The following MMD2 variants were observed in gnomAD, a reference collection of about 807,000 sequenced individuals.
MMD2 encodes monocyte to macrophage differentiation associated 2, also known as monocyte to macrophage differentiation factor 2.
MMD2 carries 30 observed loss-of-function variants against 33.5 expected under a neutral mutation model. That is an observed-to-expected ratio of 0.90 (90% CI 0.67 to 1.22). The LOEUF (loss-of-function observed/expected upper bound fraction) is 1.22. MMD2 is among the 50% of genes most tolerant of loss of function. MMD2 has a pLI of 0.00. For synonymous variants in MMD2, 129 were observed against 123.0 expected, an observed-to-expected ratio of 1.05 and a Z score of -0.32; for missense variants, 364 against 325.4, an observed-to-expected ratio of 1.12 and a Z score of -0.91.
Position 4,908,021 on chromosome 7 carries a change from G to T in MMD2, c.538-422C>A, listed in dbSNP as rs2115083646. 1.3e-5 allele frequency among the ~76,000 whole-genome samples: 2 copies of T among 152,070 alleles called. 1 individual carries two copies. Among genetic ancestry groups the T allele is most frequent in the South Asian group, 4.2e-4 (2 of 4,810 alleles). On this transcript the variant is annotated intron_variant, in intron 6 of 6. Transcript: ENST00000401401. Reference sequence around the variant, plus strand: ...GGGGGCATCTCACTATATTGCCCAGGCTGGTCTCAAACTCCTGGTCTCCAG... The same window carrying T: ...GGGGGCATCTCACTATATTGCCCAGTCTGGTCTCAAACTCCTGGTCTCCAG...
chr7:4,942,715 C>T (rs936108083), intron 1 of MMD2, among the ~76,000 whole-genome samples: 1 of 151,542 alleles, frequency 6.6e-6, no homozygotes, highest in Non-Finnish European at 1.5e-5. Context: ...CGGGTTCAAG[C>T]GATTCTCCTG....
the MMD2 span, among the ~76,000 whole-genome samples, chr7:4,900,416 G>A: frequency 1.7e-4 from 26 of 152,218 alleles, no homozygotes; most frequent in East Asian, 4.6e-3. Context: ...TGTGCATGGG[G>A]TGCAGGTCAT....
At chr7:4,904,861 T>C (rs1334989368), downstream of MMD2, among the ~76,000 whole-genome samples, 1 of 152,062 alleles carries the variant, frequency 6.6e-6, no homozygotes. Context: ...AGTAGCTGCA[T>C]GATGAAGGAT....
At chr7:4,932,321 C>G (rs1231634867) in intron 1 of MMD2, among the ~76,000 whole-genome samples, 1 of 152,160 alleles carries the variant, frequency 6.6e-6, no homozygotes, top group East Asian at 1.9e-4. Context: ...CGAGCACTTT[C>G]CCTTTAACTC....
At chr7:4,945,570 C>T (rs1786052513) in intron 1 of MMD2, among the ~76,000 whole-genome samples, 1 of 146,114 alleles carries the variant, frequency 6.8e-6, no homozygotes, top group African/African-American at 2.5e-5. Context: ...CCAGCCCTTC[C>T]CTCCCCTTTC....
chr7:4,952,563 C>T (rs754930260), intron 1 of MMD2, among the ~76,000 whole-genome samples: 20 of 152,164 alleles, frequency 1.3e-4, no homozygotes, highest in Admixed American at 2.6e-4. Flanking sequence ...TACCACTCTG[C>T]ACGCATTTCC....
chr7:4,956,425 TAA>T (rs60993344), intron 1 of MMD2, among the ~76,000 whole-genome samples: 4 of 144,240 alleles, frequency 2.8e-5, no homozygotes, highest in African/African-American at 1.0e-4. Flanking sequence ...ATCCTATCTT[TAA>T]AAAAAAAAAA....
intron 3 of MMD2, among the ~76,000 whole-genome samples, chr7:4,917,038 C>G (rs918884345): frequency 3.3e-5 from 5 of 152,072 alleles, no homozygotes; most frequent in Non-Finnish European, 7.4e-5. Context: ...TGCCACTGCA[C>G]TCCAGTCTGG....
At chr7:4,918,483 C>CTTTTTT (rs60393757) in intron 3 of MMD2, among the ~76,000 whole-genome samples, 1 of 131,030 alleles carries the variant, frequency 7.6e-6, no homozygotes. Context: ...TTCTTTCTTT[C>CTTTTTT]TTTTTTTTTT....
intron 1 of MMD2, among the ~76,000 whole-genome samples, chr7:4,949,783 T>C (rs1375737404): frequency 6.6e-6 from 1 of 152,190 alleles, no homozygotes. Flanking sequence ...ATTACAGGCA[T>C]GAGCCACTGT....
chr7:4,944,543 G>T (rs1426782111), intron 1 of MMD2, among the ~76,000 whole-genome samples: 1 of 152,106 alleles, frequency 6.6e-6, no homozygotes, highest in African/African-American at 2.4e-5. Context: ...CCTGCGAAAG[G>T]ACTGGTGGAA....
At chr7:4,929,010 T>C (rs1408736123) in intron 1 of MMD2, among the ~76,000 whole-genome samples, 1 of 152,172 alleles carries the variant, frequency 6.6e-6, no homozygotes, top group Admixed American at 6.6e-5. Flanking sequence ...ATGGAGCATA[T>C]TGTGTATGCT....
At chr7:4,939,865 G>A (rs1291710764) in intron 1 of MMD2, among the ~76,000 whole-genome samples, 2 of 151,616 alleles carry the variant, frequency 1.3e-5, no homozygotes, top group Admixed American at 1.3e-4. Context: ...TCAGCCTCCT[G>A]AGTAGGTGGG....
At chr7:4,896,032 T>G in the MMD2 span, among the ~76,000 whole-genome samples, 1 of 137,864 alleles carries the variant, frequency 7.3e-6, no homozygotes. Context: ...CTGCATGGTA[T>G]GATGTGTCCC....
Position 4,925,341 on chromosome 7 carries a change from G to A in MMD2, c.129+110C>T, listed in dbSNP as rs1224589682. ...GTGGCCTTCCCTGAGGGCCACAGAA[G>A]ACCCGAGGAACAGGCCACTTAGGAC... On this transcript the variant is annotated intron_variant, in intron 2 of 6. Coordinates refer to ENST00000401401, the MANE Select transcript of MMD2 (RefSeq NM_198403.4). 1.4e-5 allele frequency: 11 copies of A among 792,698 alleles called. No individual in the cohort carries two copies. The African/African-American group carries it at 1.8e-4, about 13-fold the overall frequency. The allele number at this position is 792,698 out of a possible 1,614,324, so 49.1% of individuals were successfully genotyped here.
chr7:4,914,605 C>G (rs943710839), intron 4 of MMD2, among the ~76,000 whole-genome samples: 1 of 152,000 alleles, frequency 6.6e-6, no homozygotes, highest in Non-Finnish European at 1.5e-5. Context: ...AGGGCAGTGC[C>G]CAGTCAATCA....
chr7:4,892,504 C>T, the MMD2 span, among the ~76,000 whole-genome samples: 3 of 151,562 alleles, frequency 2.0e-5, no homozygotes, highest in Non-Finnish European at 4.4e-5. Context: ...AGAAGAATCT[C>T]TTGAACCTGG....
chr7:4,921,604 G>C (rs1305604421), intron 2 of MMD2, among the ~76,000 whole-genome samples: 2 of 143,608 alleles, frequency 1.4e-5, no homozygotes, highest in African/African-American at 5.3e-5. Context: ...CTGGGCGACA[G>C]AGCAAGACTC....
At chr7:4,904,152 C>G (rs1410734819), downstream of MMD2, among the ~76,000 whole-genome samples, 1 of 152,092 alleles carries the variant, frequency 6.6e-6, no homozygotes, top group African/African-American at 2.4e-5. Context: ...AGGCTGGTCT[C>G]GAACTCCTGA....
Sources: allele counts gnomAD v4.1 joint callset (sites outside exome capture counted in the v4.1 genomes callset), GRCh38; gene constraint gnomAD v4.1.1; transcripts MANE v1.5; gene names NCBI Gene and HGNC (gene_info 2026-07-23, HGNC 2026-07-21).